The following PSEN2 variants were observed in gnomAD, a reference collection of about 807,000 sequenced individuals.
PSEN2 encodes presenilin 2, also known as presenilin-2.
PSEN2 carries 32 observed loss-of-function variants against 49.1 expected under a neutral mutation model. The observed-to-expected ratio is 0.65, with a 90% CI of 0.49 to 0.88. The LOEUF is 0.88. Among genes scored for constraint, PSEN2 ranks in the 40% least tolerant of loss-of-function variants. The pLI is 0.00. For missense variants in PSEN2, 522 were observed against 586.9 expected, an observed-to-expected ratio of 0.89 and a Z score of 1.14; for synonymous variants, 255 against 244.0, an observed-to-expected ratio of 1.05 and a Z score of -0.42.
chr1:226,895,116 C>G (rs934681185), intron 12 of PSEN2, among the ~76,000 whole-genome samples: 4 of 152,172 alleles, frequency 2.6e-5, no homozygotes, highest in African/African-American at 9.7e-5. Context: ...GGGCATCTTA[C>G]CATCCCATGT....
chr1:226,880,789 G>T, intron 3 of PSEN2: 1 of 1,607,322 alleles, frequency 6.2e-7, no homozygotes, highest in South Asian at 1.1e-5. Context: ...TTAGGGGGCA[G>T]GCTTCCCTCC....
At chr1:226,902,004 G>A (rs1295133248) in intron 12 of PSEN2, among the ~76,000 whole-genome samples, 1 of 152,190 alleles carries the variant, frequency 6.6e-6, no homozygotes, top group African/African-American at 2.4e-5. Context: ...CAGGAGGTAG[G>A]GAAGGGGCCG....
At chr1:226,888,225 A>G in intron 7 of PSEN2, 67 bp downstream of exon 7, 1 of 1,391,250 alleles carries the variant, frequency 7.2e-7, no homozygotes, top group Admixed American at 1.7e-5. Flanking sequence ...GGACATGGGC[A>G]TGAGGACCTG....
At chr1:226,884,267 T>A (rs985245480) in intron 5 of PSEN2, among the ~76,000 whole-genome samples, 2 of 152,204 alleles carry the variant, frequency 1.3e-5, no homozygotes, top group Admixed American at 1.3e-4. Context: ...GAAAGCAAGC[T>A]CTTGATCCTG....
chr1:226,889,083 G>A (rs779414075), intron 8 of PSEN2, 34 bp downstream of exon 8: 1 of 1,587,600 alleles, frequency 6.3e-7, no homozygotes, highest in Non-Finnish European at 8.6e-7. Flanking sequence ...GGGGCAGTGG[G>A]GGCGATGTCC....
intron 7 of PSEN2, 118 bp downstream of exon 7, chr1:226,888,276 GC>G: frequency 1.0e-6 from 1 of 986,094 alleles, no homozygotes; most frequent in Non-Finnish European, 1.6e-6. Context: ...CTTCCCCAGT[GC>G]CAGCCGTTTT....
At chr1:226,887,562 G>C (rs900519906) in intron 6 of PSEN2, among the ~76,000 whole-genome samples, 1 of 152,194 alleles carries the variant, frequency 6.6e-6, no homozygotes, top group Admixed American at 6.5e-5. Context: ...CTTTGGGTAG[G>C]AGGGGACTTC....
intron 11 of PSEN2, 85 bp from the exon 12 acceptor site, chr1:226,893,922 G>GCTGGGCCTT: frequency 8.0e-7 from 1 of 1,249,318 alleles, no homozygotes; most frequent in African/African-American, 1.5e-5. Flanking sequence ...GGCAAGAGCA[G>GCTGGGCCTT]CTGGGCCTTC....
chr1:226,891,485 G>A (rs950224372), intron 10 of PSEN2, 124 bp downstream of exon 10: 15 of 892,258 alleles, frequency 1.7e-5, no homozygotes, highest in Admixed American at 4.5e-5. Context: ...GGAAAGGTCC[G>A]TTGAAAACCA....
downstream of PSEN2, among the ~76,000 whole-genome samples, chr1:226,896,995 T>C (rs1571977011): frequency 6.6e-6 from 1 of 152,242 alleles, no homozygotes; most frequent in Non-Finnish European, 1.5e-5. Context: ...TCCCCCAGGC[T>C]GTTTGAGGAA....
intron 5 of PSEN2, among the ~76,000 whole-genome samples, chr1:226,885,132 G>C (rs1359999114): frequency 6.6e-6 from 1 of 152,050 alleles, no homozygotes; most frequent in Non-Finnish European, 1.5e-5. Flanking sequence ...TTCAGCGGAT[G>C]GGGGTCGGGT....
intron 3 of PSEN2, among the ~76,000 whole-genome samples, chr1:226,877,360 CTG>C: frequency 6.6e-6 from 1 of 152,336 alleles, no homozygotes; most frequent in East Asian, 1.9e-4. Context: ...TTTTGAGCCT[CTG>C]TTTCCTCATC....
chr1:226,892,963 C>T (rs1284338656), intron 11 of PSEN2, among the ~76,000 whole-genome samples: 4 of 152,192 alleles, frequency 2.6e-5, no homozygotes, highest in Non-Finnish European at 4.4e-5. Flanking sequence ...GACAGGGTCT[C>T]GCTCTGTTGC....
intron 3 of PSEN2, among the ~76,000 whole-genome samples, chr1:226,879,694 C>T (rs1386679126): frequency 6.6e-6 from 1 of 152,218 alleles, no homozygotes; most frequent in Non-Finnish European, 1.5e-5. Flanking sequence ...GCTTCACATC[C>T]CTCTTACTTC....
chr1:226,877,449 A>G (rs1660707025), intron 3 of PSEN2, among the ~76,000 whole-genome samples: 1 of 152,230 alleles, frequency 6.6e-6, no homozygotes, highest in South Asian at 2.1e-4. Flanking sequence ...GTGCTGGTCC[A>G]TCTCCACCAG....
intron 3 of PSEN2, among the ~76,000 whole-genome samples, chr1:226,877,776 C>T (rs1037103914): frequency 6.6e-6 from 1 of 152,160 alleles, no homozygotes; most frequent in Admixed American, 6.5e-5. Context: ...GTGAGGAGGC[C>T]GCATGTATGA....
chr1:226,888,603 A>G (rs1011176757), intron 7 of PSEN2, among the ~76,000 whole-genome samples: 5 of 152,194 alleles, frequency 3.3e-5, no homozygotes, highest in African/African-American at 4.8e-5. Context: ...GGACCTTTCC[A>G]TGTGCACAGG....
downstream of PSEN2, among the ~76,000 whole-genome samples, chr1:226,900,908 T>C (rs149727296): frequency 6.6e-6 from 1 of 152,308 alleles, no homozygotes; most frequent in Non-Finnish European, 1.5e-5. Context: ...TGAGTTTACC[T>C]TCAATTCTCG....
intron 3 of PSEN2, among the ~76,000 whole-genome samples, chr1:226,876,272 G>GC (rs1375302908): frequency 6.6e-6 from 1 of 152,216 alleles, no homozygotes; most frequent in Non-Finnish European, 1.5e-5. Flanking sequence ...TGCAAAGCAG[G>GC]CCCTCAGGAA....
Sources: gnomAD v4.1 joint callset for allele counts (sites outside exome capture counted in the v4.1 genomes callset) on GRCh38, gnomAD v4.1.1 for gene constraint, MANE v1.5 for transcripts, NCBI Gene and HGNC (gene_info 2026-07-23, HGNC 2026-07-21) for gene names.